Variants in CHODL observed in about 807,000 individuals in gnomAD.
The protein encoded by CHODL is transmembrane protein MT75.
Under a neutral mutation model 34.5 loss-of-function variants are expected in CHODL, and 29 were observed. That is an observed-to-expected ratio of 0.84 (90% CI 0.63 to 1.15). The LOEUF (loss-of-function observed/expected upper bound fraction) is 1.15. CHODL is among the 50% of genes most tolerant of loss of function. The probability of loss-of-function intolerance (pLI) is 0.00; values close to 1 mark genes in which losing one functional copy is unlikely to be tolerated. For missense variants in CHODL, 332 were observed against 332.5 expected (o/e 1.00, Z 0.01); for synonymous variants, 125 against 116.1 (o/e 1.08, Z -0.49).
At chr21:18,068,270 C>T (rs1190930871) in intron 2 of CHODL, among the ~76,000 whole-genome samples, 1 of 151,550 alleles carries the variant, frequency 6.6e-6, no homozygotes, top group Non-Finnish European at 1.5e-5. Context: ...GGTCTCAGCT[C>T]ACTGCAACCT....
At chr21:18,209,048 C>G (rs2073745676) in intron 2 of CHODL, among the ~76,000 whole-genome samples, 1 of 152,142 alleles carries the variant, frequency 6.6e-6, no homozygotes, top group Non-Finnish European at 1.5e-5. Flanking sequence ...GCTCAAGGCC[C>G]TAGGGCTCTA....
At chr21:18,104,275 GT>G in intron 2 of CHODL, among the ~76,000 whole-genome samples, 1 of 152,194 alleles carries the variant, frequency 6.6e-6, no homozygotes, top group East Asian at 1.9e-4. Context: ...CATGGGGGCA[GT>G]TTCCCCCATG....
intron 2 of CHODL, among the ~76,000 whole-genome samples, chr21:18,067,863 A>G (rs936425030): frequency 2.0e-5 from 3 of 152,144 alleles, no homozygotes; most frequent in Admixed American, 6.5e-5. Context: ...CAGAAAGGTC[A>G]TTTGTGATGG....
chr21:17,989,611 G>A (rs142609074), intron 1 of CHODL, among the ~76,000 whole-genome samples: 1 of 152,216 alleles, frequency 6.6e-6, no homozygotes, highest in African/African-American at 2.4e-5. Flanking sequence ...AACACCATGT[G>A]TTTGTATTTA....
intron 2 of CHODL, among the ~76,000 whole-genome samples, chr21:18,204,102 A>C (rs1235979675): frequency 6.6e-6 from 1 of 152,150 alleles, no homozygotes; most frequent in African/African-American, 2.4e-5. Context: ...ACACATTTCT[A>C]TTAAAAGTAA....
At chr21:18,233,419 T>C (rs1183273915) in intron 2 of CHODL, among the ~76,000 whole-genome samples, 1 of 152,042 alleles carries the variant, frequency 6.6e-6, no homozygotes, top group African/African-American at 2.4e-5. Flanking sequence ...TCCTTATCTT[T>C]AAAACTGGGG....
At chr21:18,056,223 G>A (rs2824621) in intron 2 of CHODL, among the ~76,000 whole-genome samples, 51,421 of 151,632 alleles carry the variant, frequency 0.34, 10,554 homozygotes, top group Non-Finnish European at 0.48. Flanking sequence ...GATTTTGAAG[G>A]CATTTCTCCA....
At chr21:17,973,863 T>C (rs1206578327) in intron 1 of CHODL, among the ~76,000 whole-genome samples, 3 of 152,168 alleles carry the variant, frequency 2.0e-5, no homozygotes, top group Non-Finnish European at 4.4e-5. Flanking sequence ...CACTATTCTT[T>C]TTATTTTTAT....
intron 2 of CHODL, among the ~76,000 whole-genome samples, chr21:18,229,905 G>T (rs1456280097): frequency 2.0e-5 from 3 of 152,048 alleles, no homozygotes; most frequent in African/African-American, 7.2e-5. Context: ...GAAGTTTCCT[G>T]GTCACCTACA....
chr21:17,976,886 C>CGGTG (rs1180644235), intron 1 of CHODL, among the ~76,000 whole-genome samples: 18 of 152,230 alleles, frequency 1.2e-4, no homozygotes, highest in African/African-American at 4.1e-4. Flanking sequence ...GACATCAGTC[C>CGGTG]TGATTTCTAT....
At chr21:17,998,396 A>G (rs1377024605) in intron 1 of CHODL, among the ~76,000 whole-genome samples, 2 of 152,118 alleles carry the variant, frequency 1.3e-5, no homozygotes, top group Non-Finnish European at 2.9e-5. Context: ...TGGTGGATCT[A>G]TCATTTTAGG....
intron 1 of CHODL, among the ~76,000 whole-genome samples, chr21:17,973,717 G>C (rs1302290531): frequency 6.6e-6 from 1 of 150,380 alleles, no homozygotes; most frequent in Non-Finnish European, 1.5e-5. Flanking sequence ...ACCGCGCCCA[G>C]ACTGCTATGC....
intron 2 of CHODL, among the ~76,000 whole-genome samples, chr21:18,106,231 A>C (rs2146552436): frequency 6.6e-6 from 1 of 152,276 alleles, no homozygotes; most frequent in South Asian, 2.1e-4. Context: ...GAGAGTCATA[A>C]ATCCATATAA....
chr21:17,990,924 A>T (rs908213654), intron 1 of CHODL, among the ~76,000 whole-genome samples: 10 of 152,200 alleles, frequency 6.6e-5, no homozygotes, highest in East Asian at 3.9e-4. Context: ...CTTCTATCTA[A>T]TGATATGTTT....
intron 1 of CHODL, among the ~76,000 whole-genome samples, chr21:17,999,131 C>G (rs2063880646): frequency 6.6e-6 from 1 of 152,198 alleles, no homozygotes; most frequent in Non-Finnish European, 1.5e-5. Flanking sequence ...CTCTCAAGTT[C>G]AAAGTTCCAC....
At chr21:17,974,358 C>T (rs1389595279) in intron 1 of CHODL, among the ~76,000 whole-genome samples, 13 of 152,142 alleles carry the variant, frequency 8.5e-5, no homozygotes, top group African/African-American at 1.7e-4. Flanking sequence ...CTGCAACCTC[C>T]GCCTCCTGGG....
chr21:18,010,858 G>T (rs879421507), intron 1 of CHODL, among the ~76,000 whole-genome samples: 9 of 152,156 alleles, frequency 5.9e-5, no homozygotes, highest in Non-Finnish European at 1.3e-4. Context: ...GTTTGTTTAA[G>T]CAAGGTAAAA....
At chr21:17,949,790 G>A (rs916076958) in intron 1 of CHODL, among the ~76,000 whole-genome samples, 1 of 152,132 alleles carries the variant, frequency 6.6e-6, no homozygotes, top group African/African-American at 2.4e-5. Context: ...AGTAAAGGGG[G>A]TAAATATGAT....
At chr21:18,058,993 G>A (rs762589224) in intron 2 of CHODL, among the ~76,000 whole-genome samples, 2 of 152,276 alleles carry the variant, frequency 1.3e-5, no homozygotes, top group Admixed American at 6.5e-5. Context: ...CTGACCTGGT[G>A]TTATGGACTA....
Sources: allele counts gnomAD v4.1 joint callset (sites outside exome capture counted in the v4.1 genomes callset), GRCh38; gene constraint gnomAD v4.1.1; transcripts MANE v1.5; gene names NCBI Gene and HGNC (gene_info 2026-07-23, HGNC 2026-07-21).